The following NSRP1 variants were observed in gnomAD, a reference collection of about 807,000 sequenced individuals.
NSRP1 encodes the protein coiled-coil domain containing 55.
A neutral mutation model predicts 54.7 loss-of-function variants in NSRP1; 24 were observed. The ratio of observed to expected loss-of-function variants is 0.44; its 90% CI spans 0.32 to 0.62. The LOEUF (loss-of-function observed/expected upper bound fraction) is 0.62. Among genes scored for constraint, NSRP1 ranks in the 20% least tolerant of loss-of-function variants. The probability of loss-of-function intolerance (pLI) is 0.06; values close to 1 mark genes in which losing one functional copy is unlikely to be tolerated. For missense variants in NSRP1, 596 were observed against 651.2 expected (o/e 0.92, Z 0.92); for synonymous variants, 210 against 213.8 (o/e 0.98, Z 0.15).
chr17:30,171,934 T>TCACACACACACACACACACA (rs746244255), intron 2 of NSRP1, among the ~76,000 whole-genome samples: 1 of 113,346 alleles, frequency 8.8e-6, no homozygotes, highest in Non-Finnish European at 1.7e-5. Context: ...TCCCCATTTC[T>TCACACACACACACACACACA]CACACACACA....
intron 2 of NSRP1, among the ~76,000 whole-genome samples, chr17:30,120,431 A>G (rs559377851): frequency 9.8e-5 from 15 of 152,352 alleles, no homozygotes; most frequent in Admixed American, 3.3e-4. Context: ...ATTTTTAATT[A>G]TGTCGTTGCA....
Position 30,137,155 on chromosome 17 carries a change from T to C in NSRP1, c.114+18982T>C, listed in dbSNP as rs139656449. Among the ~76,000 whole-genome samples, 62 of 152,356 alleles carry C rather than the reference T, an allele frequency of 4.1e-4. No homozygotes were observed. In the East Asian group the frequency reaches 0.011, roughly 28 times the overall value. ...GAAGATATTTCTAATGTTTCATCAT[T>C]AAGTATGCTATTCATGCTAGGTTCA... is the stretch of plus-strand genomic sequence containing the variant. On this transcript the variant is annotated intron_variant, in intron 2 of 6. Coordinates refer to ENST00000247026, the MANE Select transcript of NSRP1 (RefSeq NM_032141.4).
At chr17:30,166,594 T>C (rs1356837461) in intron 2 of NSRP1, among the ~76,000 whole-genome samples, 3 of 152,188 alleles carry the variant, frequency 2.0e-5, no homozygotes, top group Admixed American at 6.5e-5. Flanking sequence ...CAGCAATTAG[T>C]GTCTGTTACC....
chr17:30,153,200 A>C (rs2071930665), intron 2 of NSRP1, among the ~76,000 whole-genome samples: 1 of 152,120 alleles, frequency 6.6e-6, no homozygotes, highest in Non-Finnish European at 1.5e-5. Flanking sequence ...TACAGGCATA[A>C]GCCACCGTGC....
chr17:30,165,137 AAC>A (rs1904683764), intron 2 of NSRP1, among the ~76,000 whole-genome samples: 1 of 152,234 alleles, frequency 6.6e-6, no homozygotes. Flanking sequence ...ACATTCATCA[AAC>A]ACAGAGATAA....
At chr17:30,174,935 A>T (rs1287529517) in intron 3 of NSRP1, among the ~76,000 whole-genome samples, 1 of 152,246 alleles carries the variant, frequency 6.6e-6, no homozygotes, top group African/African-American at 2.4e-5. Flanking sequence ...TGGGCAGAAT[A>T]GGATGGTTTC....
At chr17:30,171,968 ACACACTCCCTCTCTCTCTCT>A (rs1209106342) in intron 2 of NSRP1, among the ~76,000 whole-genome samples, 1 of 119,696 alleles carries the variant, frequency 8.4e-6, no homozygotes, top group African/African-American at 3.1e-5. Flanking sequence ...ACACACACAC[ACACACTCCCTCTCTCTCTCT>A]CTCTCTCTCT....
At chr17:30,183,246 A>G (rs1905378765) in intron 6 of NSRP1, among the ~76,000 whole-genome samples, 2 of 151,744 alleles carry the variant, frequency 1.3e-5, no homozygotes, top group South Asian at 4.2e-4. Flanking sequence ...TTTTAACAGG[A>G]ATGTTCTGGG....
chr17:30,135,766 G>T (rs997878122), intron 2 of NSRP1, among the ~76,000 whole-genome samples: 1 of 151,846 alleles, frequency 6.6e-6, no homozygotes, highest in Non-Finnish European at 1.5e-5. Flanking sequence ...CACCATGCCC[G>T]GTGTTGGCAC....
chr17:30,155,574 A>G (rs2071954234), intron 2 of NSRP1, among the ~76,000 whole-genome samples: 1 of 152,050 alleles, frequency 6.6e-6, no homozygotes, highest in African/African-American at 2.4e-5. Context: ...GGGTCTCACT[A>G]TATTGCCCAG....
intron 2 of NSRP1, among the ~76,000 whole-genome samples, chr17:30,158,801 A>G (rs1181606940): frequency 6.6e-6 from 1 of 152,172 alleles, no homozygotes; most frequent in Admixed American, 6.5e-5. Context: ...TGGATTCTCT[A>G]TTCTGTTCCA....
intron 3 of NSRP1, among the ~76,000 whole-genome samples, chr17:30,176,703 C>T (rs1191501675): frequency 1.3e-5 from 2 of 149,276 alleles, no homozygotes; most frequent in Non-Finnish European, 3.0e-5. Flanking sequence ...ATGTTTCCCT[C>T]TTTGTGTTAT....
chr17:30,166,747 A>G (rs988653392), intron 2 of NSRP1, among the ~76,000 whole-genome samples: 1 of 151,982 alleles, frequency 6.6e-6, no homozygotes, highest in Non-Finnish European at 1.5e-5. Flanking sequence ...TCATGGCAGA[A>G]CCCCATCTCT....
rs1567785974 is a variant in NSRP1 at position 30,116,877 on chromosome 17, G to GA, written c.20+15dup. ...TCCGGGCAGGCAGTGAGTGATCCGG[G>GA]AGTTAGGGTCAGGCTGGGGGATGAG... On this transcript the variant is annotated intron_variant, in intron 1 of 6. Coordinates refer to ENST00000247026, the MANE Select transcript of NSRP1 (RefSeq NM_032141.4). The GA allele has an allele frequency of 3.8e-6, 6 of 1,571,228 alleles. No homozygotes were observed. In the East Asian group the frequency reaches 1.4e-4, roughly 37 times the overall value.
rs1272970181 is a variant in NSRP1 at position 30,164,502 on chromosome 17, A to G, written c.115-8040A>G. Among the ~76,000 whole-genome samples the G allele has an allele frequency of 3.3e-5, 5 of 152,200 alleles. 1 individual carries two copies. Among genetic ancestry groups the G allele is most frequent in the Admixed American group, 3.3e-4 (5 of 15,274 alleles). ...TAAATTTAAAACTAACGATTTTATT[A>G]GAAGGCACCATTGGCTGAGCATGGT... On this transcript the variant is annotated intron_variant, in intron 2 of 6. Coordinates refer to ENST00000247026, the MANE Select transcript of NSRP1 (RefSeq NM_032141.4).
At chr17:30,177,912 G>A (rs1441510218) in intron 3 of NSRP1, 159 bp from the exon 4 acceptor site, 1 of 848,866 alleles carries the variant, frequency 1.2e-6, no homozygotes, top group Admixed American at 2.1e-5. Flanking sequence ...TCATACCCAG[G>A]CAGCCTGGCT....
At chr17:30,120,798 T>C (rs1034785633) in intron 2 of NSRP1, among the ~76,000 whole-genome samples, 2 of 152,228 alleles carry the variant, frequency 1.3e-5, no homozygotes, top group Admixed American at 6.5e-5. Flanking sequence ...AGTGTCAAGA[T>C]TGGGATTTGA....
chr17:30,138,927 T>TTTG lies in NSRP1; in HGVS notation c.114+20756_114+20757insGTT, dbSNP rs2071776707. On this transcript the variant is annotated intron_variant, in intron 2 of 6. Transcript: ENST00000247026. The stretch of plus-strand genomic sequence containing the variant: ...TCTTAGCGTTTTTTTTTTTTTTTTT[T>TTTG]TTTTTTTTGAGATGGAGTCTCGCTT... 2.1e-5 allele frequency among the ~76,000 whole-genome samples: 3 copies of TTTG among 140,018 alleles called. No homozygotes were observed. The East Asian group carries it at 6.4e-4, about 30-fold the overall frequency. The allele number at this position is 140,018 out of a possible 152,430, so 91.9% of individuals were successfully genotyped here.
intron 2 of NSRP1, among the ~76,000 whole-genome samples, chr17:30,146,772 T>G (rs1206914429): frequency 6.6e-6 from 1 of 152,096 alleles, no homozygotes; most frequent in Non-Finnish European, 1.5e-5. Context: ...GCCCAGCTAA[T>G]TTTTGTATTT....
Sources: allele counts gnomAD v4.1 joint callset (sites outside exome capture counted in the v4.1 genomes callset), GRCh38; gene constraint gnomAD v4.1.1; transcripts MANE v1.5; gene names NCBI Gene and HGNC (gene_info 2026-07-23, HGNC 2026-07-21).